Variants in CDH13 observed in about 807,000 individuals in gnomAD.
CDH13 encodes the protein cadherin 13.
A neutral mutation model predicts 63.8 loss-of-function variants in CDH13; 24 were observed. The observed-to-expected ratio is 0.38, with a 90% confidence interval of 0.27 to 0.53. The LOEUF is 0.53. Ranked by LOEUF, CDH13 falls within the 20% of genes least tolerant of loss-of-function variation. CDH13 has a pLI of 0.85. For missense variants in CDH13, 1,049 were observed against 903.1 expected (o/e 1.16, Z -2.07); for synonymous variants, 503 against 355.3 (o/e 1.42, Z -4.67).
At chr16:83,244,231 G>C (rs2151817836) in intron 5 of CDH13, among the ~76,000 whole-genome samples, 1 of 152,150 alleles carries the variant, frequency 6.6e-6, no homozygotes, top group East Asian at 1.9e-4. Context: ...AGAGGGCTGA[G>C]ACTGCACACT....
intron 8 of CDH13, among the ~76,000 whole-genome samples, chr16:83,616,652 A>G (rs1262867011): frequency 6.6e-6 from 1 of 152,212 alleles, no homozygotes; most frequent in Non-Finnish European, 1.5e-5. Context: ...CTACACCTCC[A>G]TAATGCAGTG....
chr16:83,255,576 A>G (rs1051461450), intron 5 of CDH13, among the ~76,000 whole-genome samples: 4 of 152,150 alleles, frequency 2.6e-5, no homozygotes, highest in African/African-American at 9.7e-5. Context: ...CTCTTTCTAC[A>G]AGGGCTGTGC....
intron 13 of CDH13, chr16:83,790,019 T>C (rs1319742867): frequency 6.6e-6 from 1 of 152,080 alleles, no homozygotes; most frequent in Non-Finnish European, 1.5e-5. Context: ...GTCACATTCA[T>C]GGCAAGAAAA....
At chr16:83,188,101 C>T (rs1360292554) in intron 4 of CDH13, among the ~76,000 whole-genome samples, 4 of 152,164 alleles carry the variant, frequency 2.6e-5, no homozygotes, top group Non-Finnish European at 4.4e-5. Context: ...GGTCTTGGAG[C>T]CCACCATGAG....
At chr16:82,832,959 CAT>C (rs1387318687) in intron 1 of CDH13, among the ~76,000 whole-genome samples, 1 of 152,188 alleles carries the variant, frequency 6.6e-6, no homozygotes, top group Non-Finnish European at 1.5e-5. Flanking sequence ...CAGCCTACAT[CAT>C]AGAACTGCAG....
chr16:83,383,318 A>G (rs1363626205), intron 6 of CDH13: 1 of 152,306 alleles, frequency 6.6e-6, no homozygotes, highest in Non-Finnish European at 1.5e-5. Flanking sequence ...GGTCATGTCA[A>G]CATCCTCAGG....
chr16:83,306,993 A>T (rs949915669), intron 5 of CDH13, among the ~76,000 whole-genome samples: 1 of 152,248 alleles, frequency 6.6e-6, no homozygotes, highest in Non-Finnish European at 1.5e-5. Context: ...TAATGCATAC[A>T]TGAGAATAGT....
At chr16:83,742,272 A>G (rs1442715230) in intron 10 of CDH13, among the ~76,000 whole-genome samples, 1 of 152,166 alleles carries the variant, frequency 6.6e-6, no homozygotes, top group East Asian at 1.9e-4. Context: ...AGGCCCCAGT[A>G]ACCCCCACTG....
chr16:82,913,170 G>A (rs2041885553), intron 2 of CDH13, among the ~76,000 whole-genome samples: 1 of 152,096 alleles, frequency 6.6e-6, no homozygotes, highest in African/African-American at 2.4e-5. Context: ...TTTTAAAATG[G>A]ACTTTAAAAT....
intron 3 of CDH13, among the ~76,000 whole-genome samples, chr16:83,079,810 A>G (rs917981853): frequency 1.3e-5 from 2 of 152,194 alleles, no homozygotes; most frequent in Admixed American, 1.3e-4. Flanking sequence ...ATTTATTTGG[A>G]TGATCCATGG....
intron 6 of CDH13, among the ~76,000 whole-genome samples, chr16:83,428,344 C>G (rs548527134): frequency 7.3e-5 from 11 of 150,872 alleles, no homozygotes; most frequent in Non-Finnish European, 1.6e-4. Context: ...CTACAAGTCC[C>G]TAATTAGTTT....
At chr16:83,447,738 AATTAT>A (rs1179148131) in intron 6 of CDH13, among the ~76,000 whole-genome samples, 1 of 149,138 alleles carries the variant, frequency 6.7e-6, no homozygotes, top group African/African-American at 2.4e-5. Flanking sequence ...AATTATATTA[AATTAT>A]ATTTTATATT....
intron 1 of CDH13, among the ~76,000 whole-genome samples, chr16:82,729,185 A>G (rs2033265179): frequency 6.6e-6 from 1 of 152,202 alleles, no homozygotes; most frequent in African/African-American, 2.4e-5. Context: ...TAATGTTGAC[A>G]CTTTGACCTC....
chr16:83,510,775 T>A (rs987400326), intron 7 of CDH13, among the ~76,000 whole-genome samples: 2 of 152,190 alleles, frequency 1.3e-5, no homozygotes, highest in Non-Finnish European at 2.9e-5. Flanking sequence ...CCTGTGCACA[T>A]GATTAGTTTG....
intron 7 of CDH13, among the ~76,000 whole-genome samples, chr16:83,542,482 A>G (rs997763915): frequency 5.3e-5 from 8 of 152,172 alleles, no homozygotes; most frequent in African/African-American, 1.9e-4. Flanking sequence ...ATTTCTCCCA[A>G]CTTCCCAGGT....
At chr16:83,594,787 TG>T (rs757319240) in intron 7 of CDH13, among the ~76,000 whole-genome samples, 2 of 152,190 alleles carry the variant, frequency 1.3e-5, no homozygotes, top group Non-Finnish European at 2.9e-5. Context: ...AATGCATACC[TG>T]TGTGGAAGTC....
At chr16:82,901,279 G>T (rs985504052) in intron 2 of CDH13, among the ~76,000 whole-genome samples, 3 of 150,844 alleles carry the variant, frequency 2.0e-5, no homozygotes, top group Admixed American at 2.0e-4. Context: ...CTTCAAATAT[G>T]ATTTACCTGA....
At chr16:83,127,467 C>A (rs146377364) in intron 4 of CDH13, among the ~76,000 whole-genome samples, 3 of 152,210 alleles carry the variant, frequency 2.0e-5, no homozygotes, top group African/African-American at 7.2e-5. Context: ...TGGTGGTTCA[C>A]GCCTGTAATC....
At chr16:83,388,514 G>C (rs1178253671) in intron 6 of CDH13, among the ~76,000 whole-genome samples, 1 of 152,056 alleles carries the variant, frequency 6.6e-6, no homozygotes, top group Non-Finnish European at 1.5e-5. Context: ...CAAGTGTTTG[G>C]AGGTGGCACC....
Sources: allele counts gnomAD v4.1 joint callset (sites outside exome capture counted in the v4.1 genomes callset), GRCh38; gene constraint gnomAD v4.1.1; transcripts MANE v1.5; gene names NCBI Gene and HGNC (gene_info 2026-07-23, HGNC 2026-07-21).